The following SOX7 variants were observed in gnomAD, a reference collection of about 807,000 sequenced individuals.
SOX7 encodes the protein transcription factor SOX-7.
SOX7 carries 19 observed loss-of-function variants against 24.9 expected under a neutral mutation model. The observed-to-expected ratio is 0.76, with a 90% CI of 0.53 to 1.12. The LOEUF is 1.12. SOX7 is among the 50% of genes most tolerant of loss of function. The pLI, the probability that SOX7 is intolerant of heterozygous loss-of-function variation, is 0.00. For synonymous variants in SOX7, 327 were observed against 244.5 expected, an observed-to-expected ratio of 1.34 and a Z score of -3.15; for missense variants, 702 against 535.0, an observed-to-expected ratio of 1.31 and a Z score of -3.08.
Position 10,730,145 on chromosome 8 carries a change from GCCC to G in SOX7, c.238+48_238+50del. On this transcript the variant is annotated intron_variant, in intron 1 of 1. Transcript: ENST00000304501. This position sits in a 1 kb window ranked among gnomAD's most constrained non-coding sequence, Gnocchi z 4.8. The stretch of plus-strand genomic sequence containing the variant: ...CACCCGCCCTGCAGTGCCGCCAGCC[GCCC>G]GCCGCCCGCCCCCGGCCCCCAGCCC... 1.1e-5 allele frequency: 15 copies of G among 1,305,930 alleles called. No homozygotes were observed. The highest frequency in any genetic ancestry group is 4.1e-5 in the South Asian group (2 of 48,414). 80.9% of individuals were successfully genotyped at this position (1,305,930 alleles called of 1,614,324 possible).
chr8:10,726,659 C>T lies in SOX7; in HGVS notation c.246G>A (p.Ser82=), dbSNP rs769113063. ...TCTGGGACAGCGTCAGCGCCTTCCA[C>T]GACTTTCCTGCTCACACAAGGCAGA... ...NAELSKMLGK[S]WKALTLSQKR... is the part of the protein sequence containing the mutation. The change falls in exon 2 of 2, where the codon TCG becomes TCA. Residue 82 remains serine, a synonymous_variant. Coordinates refer to ENST00000304501, the MANE Select transcript of SOX7 (RefSeq NM_031439.4). 7 of 1,568,136 alleles carry T rather than the reference C, an allele frequency of 4.5e-6. No homozygotes were observed. The highest frequency in any genetic ancestry group is 1.8e-5 in the Admixed American group (1 of 56,682).
intron 1 of SOX7, among the ~76,000 whole-genome samples, chr8:10,728,641 C>G (rs1446277441): frequency 8.5e-5 from 13 of 152,236 alleles, no homozygotes; most frequent in African/African-American, 3.1e-4. Flanking sequence ...AAGCATCTGT[C>G]TCCTGTGTCC....
Position 10,728,600 on chromosome 8 carries a change from G to A in SOX7, c.238+1596C>T, listed in dbSNP as rs116922604. Among the ~76,000 whole-genome samples, 237 of 152,362 alleles carry A rather than the reference G, an allele frequency of 1.6e-3. 3 individuals carry two copies. Among genetic ancestry groups the A allele is most frequent in the East Asian group, 8.7e-3 (45 of 5,186 alleles). ...TGAACTGTAACCTCCTGAAGCTGAA[G>A]TGCAGGCCCCGATGGGGACCAACTC... On this transcript the variant is annotated intron_variant, in intron 1 of 1. Transcript: ENST00000304501.
intron 1 of SOX7, chr8:10,729,333 C>T (rs1472557393): frequency 1.3e-5 from 2 of 152,270 alleles, no homozygotes; most frequent in Admixed American, 1.3e-4. Flanking sequence ...GCACCAAGTG[C>T]TTTGAAAGTT....
rs1800231213 is a variant in SOX7, at chr8:10,730,136, C to T, written c.238+60G>A. The T allele has an allele frequency of 2.3e-6, 3 of 1,281,194 alleles. No individual in the cohort carries two copies. Among genetic ancestry groups the T allele is most frequent in the Non-Finnish European group, 3.0e-6 (3 of 994,430 alleles). The allele number at this position is 1,281,194 out of a possible 1,614,324, so 79.4% of individuals were successfully genotyped here. On this transcript the variant is annotated intron_variant, in intron 1 of 1. Transcript: ENST00000304501. The surrounding 1 kb of genome is among the most constrained non-coding windows in gnomAD (Gnocchi z 4.8). ...CCGCGCTCGCACCCGCCCTGCAGTG[C>T]CGCCAGCCGCCCGCCGCCCGCCCCC...
rs1401597368 is a variant in SOX7 at position 10,726,288 on chromosome 8, T to C, written c.617A>G (p.Glu206Gly). ...TYPYGLPTPPEMSPLDVLEPE... is the reference protein window; with the variant it reads ...TYPYGLPTPPGMSPLDVLEPE... ...CTCCAGCACGTCCAGGGGAGACATT[T>C]CAGGAGGTGTGGGCAGCCCGTACGG... The change falls in exon 2 of 2, where the codon GAA (glutamate) becomes GGA (glycine). Residue 206 changes from glutamate to glycine, a missense_variant. Transcript: ENST00000304501. 6.2e-7 allele frequency: 1 copy of C among 1,613,782 alleles called. No individual in the cohort carries two copies. Among genetic ancestry groups the C allele is most frequent in the Admixed American group, 1.7e-5 (1 of 60,012 alleles).
At chr8:10,729,009 G>A (rs1181640825) in intron 1 of SOX7, among the ~76,000 whole-genome samples, 1 of 152,216 alleles carries the variant, frequency 6.6e-6, no homozygotes, top group Non-Finnish European at 1.5e-5. Context: ...GGCCCCAGAA[G>A]GCCCCAGACC....
At position 10,726,110 on chromosome 8, in the gene SOX7, G is replaced by A. The variant is rs765457588; in HGVS notation, c.795C>T (p.Ser265=). 11 of 1,570,138 alleles carry A rather than the reference G, an allele frequency of 7.0e-6. No individual in the cohort carries two copies. The highest frequency in any genetic ancestry group is 8.6e-6 in the Non-Finnish European group (10 of 1,159,454). ...HPLGSLALGQ[S]PGVSMMSPVP... ...CAGGGGACATCATGGAGACGCCGGG[G>A]GACTGGCCAAGGGCCAGGGAGCCCA... Residue 265 remains serine, a synonymous_variant, in exon 2 of 2, where the codon TCC becomes TCT. Transcript: ENST00000304501.
Position 10,724,562 on chromosome 8 carries a change from C to G in SOX7, c.*1176G>C, listed in dbSNP as rs1283786133. 6.6e-6 allele frequency: 1 copy of G among 152,060 alleles called. No individual in the cohort carries two copies. The highest frequency in any genetic ancestry group is 1.5e-5 in the Non-Finnish European group (1 of 68,028). 9.4% of individuals were successfully genotyped at this position (152,060 alleles called of 1,614,324 possible). A position where few individuals can be genotyped will look rare whatever the true frequency, so the allele number is the denominator to read the frequency against. ...AGTGACTTTGCTTGGTTGCAAAGTC[C>G]TTTTAGGTACCCTGGGTCTTTGGTC... On this transcript the variant is annotated 3_prime_UTR_variant, in exon 2 of 2. Transcript: ENST00000304501.
rs752670946 is a variant in SOX7 at position 10,726,000 on chromosome 8, T to G, written c.905A>C (p.Gln302Pro). The change falls in exon 2 of 2, where the codon CAG becomes CCG. Residue 302 changes from glutamine (Q) to proline (P), a missense_variant. Physicochemically the swap from Gln to Pro is moderately conservative, Grantham distance 76 (BLOSUM62 -1). Transcript: ENST00000304501. ...AGGGTGCTCAGGAGGCGGGGAAAGC[T>G]GGCCCAGGTGGGCTTGGAGGTTGGA... Reference protein sequence around the residue: ...LHSNLQAHLGQLSPPPEHPGF... With the variant: ...LHSNLQAHLGPLSPPPEHPGF... 8 of 1,592,444 alleles carry G rather than the reference T, an allele frequency of 5.0e-6. No homozygotes were observed. In the South Asian group the frequency reaches 8.1e-5, roughly 16 times the overall value.
In SOX7 at chr8:10,725,817, G is replaced by A. The variant is rs773940037; in HGVS notation, c.1088C>T (p.Thr363Met). Residue 363 changes from threonine to methionine, a missense_variant, in exon 2 of 2, where the codon ACG becomes ATG. Transcript: ENST00000304501. ...GATGAGGCTGGTCTCTGTGGGACCC[G>A]TTGGTGTCACCTGGGAGACCGGAAC... The part of the protein sequence containing the change: ...GHVPVSQVTP[T>M]GPTETSLISV... The A allele has an allele frequency of 1.3e-5, 21 of 1,614,078 alleles. No individual in the cohort carries two copies. Among genetic ancestry groups the A allele is most frequent in the South Asian group, 8.8e-5 (8 of 91,080 alleles).
intron 1 of SOX7, among the ~76,000 whole-genome samples, chr8:10,727,335 C>T (rs1012032822): frequency 1.3e-5 from 2 of 152,190 alleles, no homozygotes; most frequent in African/African-American, 4.8e-5. Context: ...CACACCCAGA[C>T]ACATGCATGC....
chr8:10,730,095 G>A lies in SOX7; in HGVS notation c.238+101C>T. On this transcript the variant is annotated intron_variant, in intron 1 of 1. Transcript: ENST00000304501. This position sits in a 1 kb window ranked among gnomAD's most constrained non-coding sequence, Gnocchi z 4.8. ...GAAGAGGGCCCTCGTCCCGCGTGCC[G>A]GGTCTTCCCCAGGCTCCGCGCTCGC... The A allele has an allele frequency of 1.2e-6, 1 of 857,828 alleles. No homozygotes were observed. The highest frequency in any genetic ancestry group is 1.6e-6 in the Non-Finnish European group (1 of 638,016). The allele number at this position is 857,828 out of a possible 1,614,324, so 53.1% of individuals were successfully genotyped here. A position where few individuals can be genotyped will look rare whatever the true frequency, so the allele number is the denominator to read the frequency against.
Position 10,725,371 on chromosome 8 carries a change from C to G in SOX7, c.*367G>C, listed in dbSNP as rs1800121355. 1 of 259,048 alleles carries G rather than the reference C, an allele frequency of 3.9e-6. No individual in the cohort carries two copies. The allele number at this position is 259,048 out of a possible 1,614,324, so 16.0% of individuals were successfully genotyped here. On this transcript the variant is annotated 3_prime_UTR_variant, in exon 2 of 2. Transcript: ENST00000304501. The stretch of plus-strand genomic sequence containing the variant: ...TATTAATCTTGAGAGAACCCTAAAT[C>G]AGAAAACTGGACCAGAAGGGACCTT...
At chr8:10,729,561 C>G (rs918835932) in intron 1 of SOX7, 24 of 151,510 alleles carry the variant, frequency 1.6e-4, no homozygotes, top group African/African-American at 5.8e-4. Context: ...CCAGGACAGC[C>G]CAAGCATCCG....
chr8:10,724,688 C>T lies in SOX7; in HGVS notation c.*1050G>A, dbSNP rs1027174727. The T allele has an allele frequency of 7.9e-5, 12 of 151,466 alleles. No individual in the cohort carries two copies. The highest frequency in any genetic ancestry group is 2.6e-4 in the Admixed American group (4 of 15,198). 9.4% of individuals were successfully genotyped at this position (151,466 alleles called of 1,614,324 possible). A position where few individuals can be genotyped will look rare whatever the true frequency, so the allele number is the denominator to read the frequency against. On this transcript the variant is annotated 3_prime_UTR_variant, in exon 2 of 2. Coordinates refer to ENST00000304501, the MANE Select transcript of SOX7 (RefSeq NM_031439.4). ...GCATGAAGTGGGCATGTGTCTCTCA[C>T]ACTCCTGGTATACATTCAGACTGTG...
chr8:10,728,368 G>C (rs1800195364), intron 1 of SOX7, among the ~76,000 whole-genome samples: 1 of 152,190 alleles, frequency 6.6e-6, no homozygotes, highest in Non-Finnish European at 1.5e-5. Flanking sequence ...AAAAAGTTGA[G>C]ACTCGCATAT....
At chr8:10,727,806 G>A (rs1021989706) in intron 1 of SOX7, among the ~76,000 whole-genome samples, 13 of 152,278 alleles carry the variant, frequency 8.5e-5, no homozygotes, top group African/African-American at 2.4e-4. Context: ...TTTGAGACCC[G>A]CTAGCCTAGA....
At chr8:10,729,554 G>A (rs1447703759) in intron 1 of SOX7, 1 of 152,024 alleles carries the variant, frequency 6.6e-6, no homozygotes, top group Non-Finnish European at 1.5e-5. Flanking sequence ...GCGGGTTCCA[G>A]GACAGCCCAA....
Sources: gnomAD v4.1 joint callset for allele counts (sites outside exome capture counted in the v4.1 genomes callset) on GRCh38, gnomAD v4.1.1 for gene constraint, Gnocchi (gnomAD v3.1) non-coding constraint, MANE v1.5 for transcripts, NCBI Gene and HGNC (gene_info 2026-07-23, HGNC 2026-07-21) for gene names.